The following PLXNA4 variants were observed in gnomAD, a reference collection of about 807,000 sequenced individuals.
The protein encoded by PLXNA4 is plexin-A4.
In PLXNA4, 44 loss-of-function variants were observed where a neutral mutation model predicts 191.8. That is an observed-to-expected ratio of 0.23 (90% CI 0.18 to 0.29). The LOEUF (loss-of-function observed/expected upper bound fraction) is 0.29. PLXNA4 is among the 10% of genes least tolerant of loss of function. The pLI is 1.00. For missense variants in PLXNA4, 1,800 were observed against 2,488.8 expected, an observed-to-expected ratio of 0.72 and a Z score of 5.89; for synonymous variants, 1,082 against 1,009.5, an observed-to-expected ratio of 1.07 and a Z score of -1.36.
chr7:132,433,048 C>T (rs926078917), intron 3 of PLXNA4, among the ~76,000 whole-genome samples: 4 of 152,126 alleles, frequency 2.6e-5, no homozygotes, highest in East Asian at 1.9e-4. Flanking sequence ...TGTCTAGTTC[C>T]GGTTGATACA....
intron 3 of PLXNA4, among the ~76,000 whole-genome samples, chr7:132,472,701 G>C (rs1434751272): frequency 6.6e-6 from 1 of 152,200 alleles, no homozygotes; most frequent in African/African-American, 2.4e-5. Flanking sequence ...CACTGGAAAA[G>C]CTGGGAAGTG....
At chr7:132,517,318 A>G (rs1798980294) in intron 1 of PLXNA4, among the ~76,000 whole-genome samples, 1 of 152,182 alleles carries the variant, frequency 6.6e-6, no homozygotes, top group South Asian at 2.1e-4. Flanking sequence ...TTTCCATGCC[A>G]AAGCAGGGAA....
At chr7:132,134,002 T>A (rs559617239) in intron 30 of PLXNA4, among the ~76,000 whole-genome samples, 9 of 152,224 alleles carry the variant, frequency 5.9e-5, no homozygotes, top group Non-Finnish European at 2.9e-5. Context: ...CCTAGCCCAA[T>A]CCAGCCCATG....
intron 25 of PLXNA4, among the ~76,000 whole-genome samples, chr7:132,151,757 C>A (rs375215495): frequency 6.6e-6 from 1 of 152,152 alleles, no homozygotes; most frequent in Non-Finnish European, 1.5e-5. Flanking sequence ...AGCTCCATCC[C>A]TGAGGCTTTC....
At chr7:132,275,938 C>G (rs1276748930) in intron 4 of PLXNA4, among the ~76,000 whole-genome samples, 1 of 152,150 alleles carries the variant, frequency 6.6e-6, no homozygotes, top group East Asian at 1.9e-4. Context: ...AGAGTGTTCT[C>G]CTTGAAGACA....
At chr7:132,267,080 T>A (rs1426157772) in intron 4 of PLXNA4, among the ~76,000 whole-genome samples, 1 of 152,104 alleles carries the variant, frequency 6.6e-6, no homozygotes, top group African/African-American at 2.4e-5. Flanking sequence ...AGGCTTGGGG[T>A]CTGAGGAATA....
intron 2 of PLXNA4, among the ~76,000 whole-genome samples, chr7:132,588,574 T>C (rs188958713): frequency 1.3e-5 from 2 of 149,816 alleles, no homozygotes; most frequent in East Asian, 4.0e-4. Flanking sequence ...CCCTCCCTAA[T>C]TCTTCATGCA....
At chr7:132,505,305 T>G (rs983966304) in intron 2 of PLXNA4, among the ~76,000 whole-genome samples, 10 of 152,226 alleles carry the variant, frequency 6.6e-5, no homozygotes, top group Non-Finnish European at 1.2e-4. Flanking sequence ...GAACTTGGCT[T>G]TTTGTATTGT....
chr7:132,206,298 G>A lies in PLXNA4; in HGVS notation c.2299-2879C>T, dbSNP rs28416786. Among the ~76,000 whole-genome samples, 579 of 152,296 alleles carry A rather than the reference G, an allele frequency of 3.8e-3. 5 individuals carry two copies. The highest frequency in any genetic ancestry group is 0.013 in the African/African-American group (535 of 41,556). The stretch of plus-strand genomic sequence containing the variant: ...TTTAGTCTATGTGCATGCAGTTGGG[G>A]ATGCTATGCAAAACTATATTCGTGT... On this transcript the variant is annotated intron_variant, in intron 10 of 31. Transcript: ENST00000321063.
chr7:132,483,512 T>A (rs1797420335), intron 3 of PLXNA4, among the ~76,000 whole-genome samples: 1 of 152,226 alleles, frequency 6.6e-6, no homozygotes, highest in African/African-American at 2.4e-5. Context: ...TAAAGCACAA[T>A]ATTTTACTTC....
intron 2 of PLXNA4, among the ~76,000 whole-genome samples, chr7:132,615,463 C>G (rs745441460): frequency 3.0e-4 from 46 of 152,184 alleles, no homozygotes; most frequent in Admixed American, 6.5e-5. Context: ...AGTGCCCGGC[C>G]TCAGCGTCCC....
At chr7:132,524,343 G>A (rs1799313982) in intron 1 of PLXNA4, among the ~76,000 whole-genome samples, 1 of 152,218 alleles carries the variant, frequency 6.6e-6, no homozygotes, top group Non-Finnish European at 1.5e-5. Context: ...TGCTTATGCA[G>A]TACAGGCTAC....
At position 132,130,353 on chromosome 7, in the gene PLXNA4, G is replaced by C. The variant is rs1584742523; in HGVS notation, c.*126C>G. Reference sequence around the variant, plus strand: ...ACGGAAAGAGGCAGAGAGAAAGAGAGAGAAACAGCGCTGCTCAGGGGATGC... The same window carrying C: ...ACGGAAAGAGGCAGAGAGAAAGAGACAGAAACAGCGCTGCTCAGGGGATGC... On this transcript the variant is annotated 3_prime_UTR_variant, in exon 32 of 32. Transcript: ENST00000321063. 3.8e-6 allele frequency: 5 copies of C among 1,316,160 alleles called. No individual in the cohort carries two copies. In the East Asian group the frequency reaches 9.5e-5, roughly 25 times the overall value. 81.5% of individuals were successfully genotyped at this position (1,316,160 alleles called of 1,614,324 possible).
At chr7:132,482,837 T>C (rs1015401281) in intron 3 of PLXNA4, among the ~76,000 whole-genome samples, 2 of 151,768 alleles carry the variant, frequency 1.3e-5, no homozygotes, top group African/African-American at 4.8e-5. Flanking sequence ...GGATTACAGG[T>C]GTGCACCATC....
intron 1 of PLXNA4, among the ~76,000 whole-genome samples, chr7:132,540,720 T>G (rs1237870401): frequency 6.7e-6 from 1 of 150,196 alleles, no homozygotes; most frequent in Admixed American, 6.6e-5. Flanking sequence ...CCCGAGTAGC[T>G]GGGACTACAG....
intron 3 of PLXNA4, among the ~76,000 whole-genome samples, chr7:132,306,950 A>G (rs990838153): frequency 7.2e-5 from 11 of 152,180 alleles, no homozygotes; most frequent in Admixed American, 1.3e-4. Context: ...GAATACGGGC[A>G]TGAGGTCTGA....
intron 3 of PLXNA4, among the ~76,000 whole-genome samples, chr7:132,391,323 C>T (rs946813404): frequency 1.3e-5 from 2 of 152,210 alleles, no homozygotes; most frequent in Non-Finnish European, 2.9e-5. Context: ...CGATCTCCCC[C>T]ATAGTGACTG....
chr7:132,537,116 A>AAGGGCAGAAGC (rs1385811990), intron 1 of PLXNA4, among the ~76,000 whole-genome samples: 1 of 152,196 alleles, frequency 6.6e-6, no homozygotes, highest in Non-Finnish European at 1.5e-5. Context: ...GATTCTTCCA[A>AAGGGCAGAAGC]AGGGCAGAAG....
At chr7:132,449,616 C>T (rs1345640019) in intron 3 of PLXNA4, among the ~76,000 whole-genome samples, 1 of 152,186 alleles carries the variant, frequency 6.6e-6, no homozygotes, top group African/African-American at 2.4e-5. Context: ...TTTCTGGATC[C>T]TCTGTCACAC....
Sources: allele counts gnomAD v4.1 joint callset (sites outside exome capture counted in the v4.1 genomes callset), GRCh38; gene constraint gnomAD v4.1.1; transcripts MANE v1.5; gene names NCBI Gene and HGNC (gene_info 2026-07-23, HGNC 2026-07-21).